NHERF4: variants seen among roughly 807,000 people sequenced by gnomAD.
NHERF4 encodes NHERF family PDZ scaffold protein 4.
chr11:119,186,224 C>CCAA, the NHERF4 span: 10 of 1,614,126 alleles, frequency 6.2e-6, no homozygotes, highest in Admixed American at 1.7e-4. This position sits in a 1 kb window ranked among gnomAD's most constrained non-coding sequence, Gnocchi z 4.4. Flanking sequence ...CGGCTCCACA[C>CCAA]GGCCTCCGAT....
At chr11:119,187,685 C>T in the NHERF4 span, 1 of 1,519,154 alleles carries the variant, frequency 6.6e-7, no homozygotes, top group Non-Finnish European at 8.8e-7. Context: ...TCACTCACAA[C>T]CAACTCACCA....
At chr11:119,185,945 T>A in the NHERF4 span, 1 of 1,614,140 alleles carries the variant, frequency 6.2e-7, no homozygotes, top group South Asian at 1.1e-5. Context: ...CACAGCCTCG[T>A]TAACTCTGTA....
the NHERF4 span, chr11:119,188,898 T>C: frequency 6.2e-7 from 1 of 1,611,538 alleles, no homozygotes; most frequent in East Asian, 2.2e-5. Context: ...CTTGAATCCC[T>C]TCGATCCTTT....
chr11:119,186,780 G>A, the NHERF4 span: 126 of 1,259,398 alleles, frequency 1.0e-4, no homozygotes, highest in Non-Finnish European at 1.3e-4. This position sits in a 1 kb window ranked among gnomAD's most constrained non-coding sequence, Gnocchi z 4.4. Flanking sequence ...CAGGGCACAA[G>A]CCTCACTCCC....
chr11:119,187,622 G>A, the NHERF4 span: 1 of 1,577,302 alleles, frequency 6.3e-7, no homozygotes, highest in East Asian at 2.3e-5. Flanking sequence ...AGCGGGCAGG[G>A]GTGCCCCCCG....
the NHERF4 span, chr11:119,188,141 C>T: frequency 1.3e-6 from 2 of 1,539,224 alleles, no homozygotes; most frequent in Non-Finnish European, 1.8e-6. Context: ...TGACGGTCGC[C>T]CTGGTGAGTG....
At chr11:119,187,764 G>A in the NHERF4 span, 27 of 1,464,206 alleles carry the variant, frequency 1.8e-5, no homozygotes, top group South Asian at 1.3e-4. Context: ...TCGGGAAGAC[G>A]CCTCCTTCCC....
At chr11:119,185,807 G>A in the NHERF4 span, 1 of 1,355,980 alleles carries the variant, frequency 7.4e-7, no homozygotes, top group East Asian at 2.3e-5. Flanking sequence ...CAGAAAGGAG[G>A]GGGCATGCCC....
the NHERF4 span, chr11:119,188,138 C>T: frequency 5.1e-5 from 79 of 1,539,190 alleles, no homozygotes; most frequent in Admixed American, 8.0e-5. Context: ...CCTTGACGGT[C>T]GCCCTGGTGA....
the NHERF4 span, chr11:119,187,156 AAAG>A: frequency 1.1e-6 from 1 of 869,978 alleles, no homozygotes; most frequent in Non-Finnish European, 1.7e-6. Context: ...AAAAAAAAAA[AAAG>A]AAAAAGAAAA....
the NHERF4 span, chr11:119,185,788 C>T: frequency 8.7e-7 from 1 of 1,153,990 alleles, no homozygotes; most frequent in Admixed American, 1.9e-5. Context: ...AGAGAAGACC[C>T]CTTTGGAGCA....
At chr11:119,188,961 CT>C in the NHERF4 span, 1 of 1,613,332 alleles carries the variant, frequency 6.2e-7, no homozygotes, top group South Asian at 1.1e-5. Flanking sequence ...AGCCAGCAAA[CT>C]TTCCCCCGGT....
At chr11:119,189,493 A>G in the NHERF4 span, 11 of 1,614,050 alleles carry the variant, frequency 6.8e-6, no homozygotes, top group Non-Finnish European at 8.5e-6. The surrounding 1 kb of genome is among the most constrained non-coding windows in gnomAD (Gnocchi z 5.8). Flanking sequence ...TCTACTGTAG[A>G]GCACCCCTGC....
At chr11:119,185,744 ACCGCACAATAGT>A in the NHERF4 span, 295 of 850,192 alleles carry the variant, frequency 3.5e-4, 1 homozygote, top group Non-Finnish European at 1.1e-4. Flanking sequence ...AAGGGAGGGG[ACCGCACAATAGT>A]CCTGTGTGTA....
chr11:119,188,502 G>C, the NHERF4 span: 1 of 1,607,534 alleles, frequency 6.2e-7, no homozygotes, highest in Non-Finnish European at 8.5e-7. Flanking sequence ...CAGGGCTCCT[G>C]TGTCTCCCTC....
the NHERF4 span, chr11:119,186,173 C>T: frequency 1.2e-6 from 2 of 1,614,152 alleles, no homozygotes; most frequent in African/African-American, 2.7e-5. This position sits in a 1 kb window ranked among gnomAD's most constrained non-coding sequence, Gnocchi z 4.4. Context: ...ATGGTAACTC[C>T]CTCACCCCCT....
chr11:119,187,147 AAAAAAAAAAAAG>A, the NHERF4 span: 1 of 847,956 alleles, frequency 1.2e-6, no homozygotes, highest in South Asian at 2.1e-5. Context: ...TCTCAAAAAA[AAAAAAAAAAAAG>A]AAAAAGAAAA....
chr11:119,188,162 G>A, the NHERF4 span: 2 of 1,524,194 alleles, frequency 1.3e-6, no homozygotes, highest in Admixed American at 2.1e-5. Flanking sequence ...GGAGCCCTGG[G>A]GGCGGTGGGG....
chr11:119,187,338 C>T, the NHERF4 span: 77 of 1,613,394 alleles, frequency 4.8e-5, no homozygotes, highest in Non-Finnish European at 5.8e-5. Context: ...ATGCACATGA[C>T]GTGGCCCGAG....
Sources: gnomAD v4.1 joint callset for allele counts on GRCh38, gnomAD v4.1.1 for gene constraint, Gnocchi (gnomAD v3.1) non-coding constraint, MANE v1.5 for transcripts, NCBI Gene and HGNC (gene_info 2026-07-23, HGNC 2026-07-21) for gene names.